The following CLYBL variants were observed in gnomAD, a reference collection of about 807,000 sequenced individuals.
CLYBL encodes the protein citramalyl-CoA lyase, mitochondrial.
Under a neutral mutation model 38.9 loss-of-function variants are expected in CLYBL, and 31 were observed. That is an observed-to-expected ratio of 0.80 (90% CI 0.60 to 1.08). The LOEUF (loss-of-function observed/expected upper bound fraction) is 1.08, where lower values mean the gene tolerates loss of function less well. Among genes scored for constraint, CLYBL ranks in the 50% least tolerant of loss-of-function variants. CLYBL has a pLI of 0.00. For missense variants in CLYBL, 434 were observed against 411.6 expected (o/e 1.05, Z -0.47); for synonymous variants, 171 against 158.6 (o/e 1.08, Z -0.59).
At chr13:99,671,079 C>T (rs2047558770) in intron 1 of CLYBL, among the ~76,000 whole-genome samples, 4 of 152,166 alleles carry the variant, frequency 2.6e-5, no homozygotes. Context: ...CGGTATACAG[C>T]GAGCTAGTTC....
At chr13:99,648,154 GA>G (rs2047203604) in intron 1 of CLYBL, among the ~76,000 whole-genome samples, 3 of 152,248 alleles carry the variant, frequency 2.0e-5, no homozygotes, top group South Asian at 2.1e-4. Context: ...GTTCGGGGGG[GA>G]AAAATCCTTT....
Position 99,772,809 on chromosome 13 carries a change from T to G in CLYBL, c.63-15T>G, listed in dbSNP as rs191467286. 138 of 1,575,238 alleles carry G rather than the reference T, an allele frequency of 8.8e-5. No individual in the cohort carries two copies. The East Asian group carries it at 2.9e-3, about 33-fold the overall frequency. ...AAATCTCATTCTGGACTAACCCCAATCACGTGTCTTGCAGGAAAGCGTCTC... is the reference window on the plus strand; with the variant it reads ...AAATCTCATTCTGGACTAACCCCAAGCACGTGTCTTGCAGGAAAGCGTCTC... On this transcript the variant is annotated splice_polypyrimidine_tract_variant and intron_variant, in intron 1 of 8. Coordinates refer to ENST00000339105, the MANE Select transcript of CLYBL (RefSeq NM_206808.5).
intron 2 of CLYBL, among the ~76,000 whole-genome samples, chr13:99,783,004 C>T (rs187524707): frequency 3.3e-5 from 5 of 152,086 alleles, no homozygotes; most frequent in South Asian, 2.1e-4. Flanking sequence ...GTGTCTAATC[C>T]GTTTAACCCA....
chr13:99,903,277 T>C (rs896460270), intron 8 of CLYBL, among the ~76,000 whole-genome samples: 1 of 152,272 alleles, frequency 6.6e-6, no homozygotes, highest in Non-Finnish European at 1.5e-5. Context: ...GGCCGCAGTC[T>C]GCCACCATCT....
chr13:99,888,322 TG>T (rs2052402968), intron 7 of CLYBL, among the ~76,000 whole-genome samples: 2 of 152,264 alleles, frequency 1.3e-5, no homozygotes, highest in African/African-American at 4.8e-5. Flanking sequence ...GGTTGGATAA[TG>T]GTATCTACTT....
chr13:99,621,189 C>T (rs1411366090), intron 1 of CLYBL, among the ~76,000 whole-genome samples: 2 of 152,088 alleles, frequency 1.3e-5, no homozygotes, highest in Non-Finnish European at 2.9e-5. Context: ...TGGTGCCCAC[C>T]CCCTTGGACA....
chr13:99,892,278 G>A (rs2052508665), intron 8 of CLYBL, 165 bp from the exon 9 acceptor site: 1 of 152,244 alleles, frequency 6.6e-6, no homozygotes, highest in South Asian at 2.1e-4. Context: ...TGTGGCCCCT[G>A]CGAGATTTGC....
chr13:99,668,135 A>G (rs1185780439), intron 1 of CLYBL, among the ~76,000 whole-genome samples: 5 of 152,014 alleles, frequency 3.3e-5, no homozygotes, highest in Non-Finnish European at 7.4e-5. Flanking sequence ...ATAGCCATAC[A>G]TGGTGGCACA....
chr13:99,793,887 T>TA (rs78578163), intron 2 of CLYBL, among the ~76,000 whole-genome samples: 1,379 of 136,802 alleles, frequency 0.01, 14 homozygotes, highest in African/African-American at 0.033. Context: ...AAATTAAGAT[T>TA]AAAAAAAAAA....
intron 1 of CLYBL, among the ~76,000 whole-genome samples, chr13:99,648,922 A>G (rs1353998527): frequency 2.6e-5 from 4 of 152,008 alleles, no homozygotes; most frequent in African/African-American, 9.7e-5. Context: ...ATATTTTTAT[A>G]TTTCATTCAT....
At chr13:99,622,176 C>T (rs2139206534) in intron 1 of CLYBL, among the ~76,000 whole-genome samples, 1 of 152,334 alleles carries the variant, frequency 6.6e-6, no homozygotes, top group Non-Finnish European at 1.5e-5. Context: ...ATTACGTTGG[C>T]CCCACCTGGA....
intron 7 of CLYBL, chr13:99,877,512 T>A: frequency 3.0e-6 from 1 of 337,000 alleles, no homozygotes; most frequent in African/African-American, 2.3e-5. Context: ...TTAGAGACTT[T>A]CAGAGCATTC....
rs1019489786 is a variant in CLYBL, at chr13:99,869,636, A to G, written c.803-1302A>G. On this transcript the variant is annotated intron_variant, in intron 6 of 8. Transcript: ENST00000339105. The surrounding 1 kb of genome is among the most constrained non-coding windows in gnomAD (Gnocchi z 4.3). ...GGAAAGAAAAGATATTATTATATTT[A>G]TCCACTTAAACTCTTTTACATGAAA... Among the ~76,000 whole-genome samples, 1 of 152,162 alleles carries G rather than the reference A, an allele frequency of 6.6e-6. No individual in the cohort carries two copies. The highest frequency in any genetic ancestry group is 1.5e-5 in the Non-Finnish European group (1 of 67,986).
At position 99,833,016 on chromosome 13, in the gene CLYBL, ATATATATATATATATTTTTTTTTT is replaced by A. The variant is rs1566345711; in HGVS notation, c.250-25843_250-25820del. ...TATACATACATACATACATATATAT[ATATATATATATATATTTTTTTTTT>A]TTTTTTTTTTTTTTTTTTGAGATGG... is the stretch of plus-strand genomic sequence containing the variant. On this transcript the variant is annotated intron_variant, in intron 2 of 8. Coordinates refer to ENST00000339105, the MANE Select transcript of CLYBL (RefSeq NM_206808.5). 1.8e-4 allele frequency among the ~76,000 whole-genome samples: 6 copies of A among 32,772 alleles called. 1 individual carries two copies. In the East Asian group the frequency reaches 7.0e-3, roughly 38 times the overall value. The allele number at this position is 32,772 out of a possible 152,430, so 21.5% of individuals were successfully genotyped here.
At chr13:99,878,559 T>G (rs1433045832) in intron 7 of CLYBL, among the ~76,000 whole-genome samples, 1 of 152,188 alleles carries the variant, frequency 6.6e-6, no homozygotes, top group Non-Finnish European at 1.5e-5. Flanking sequence ...GAGATGGAGG[T>G]GATAGTAGCG....
intron 7 of CLYBL, among the ~76,000 whole-genome samples, chr13:99,890,090 T>G (rs1162740337): frequency 1.3e-5 from 2 of 152,214 alleles, no homozygotes; most frequent in Admixed American, 1.3e-4. Context: ...AACTTTGGGT[T>G]CTGAGCATGC....
intron 4 of CLYBL, among the ~76,000 whole-genome samples, chr13:99,864,432 T>G (rs1354066875): frequency 6.6e-6 from 1 of 152,198 alleles, no homozygotes; most frequent in Non-Finnish European, 1.5e-5. Flanking sequence ...AATAATTCAA[T>G]TAGTTTGATT....
intron 2 of CLYBL, among the ~76,000 whole-genome samples, chr13:99,818,972 T>G (rs1045643595): frequency 6.6e-6 from 1 of 152,118 alleles, no homozygotes; most frequent in Non-Finnish European, 1.5e-5. Context: ...AAAATCCAAC[T>G]TATCAAGACA....
chr13:99,799,122 G>A (rs1276693749), intron 2 of CLYBL, among the ~76,000 whole-genome samples: 1 of 152,200 alleles, frequency 6.6e-6, no homozygotes, highest in Non-Finnish European at 1.5e-5. Flanking sequence ...TTAAGGGAAA[G>A]ACAGTGGAGG....
Sources: allele counts gnomAD v4.1 joint callset (sites outside exome capture counted in the v4.1 genomes callset), GRCh38; gene constraint gnomAD v4.1.1; non-coding constraint Gnocchi (gnomAD v3.1); transcripts MANE v1.5; gene names NCBI Gene and HGNC (gene_info 2026-07-23, HGNC 2026-07-21).